Variants in PDHX observed in about 807,000 individuals in gnomAD.
The protein encoded by PDHX is pyruvate dehydrogenase protein X component, mitochondrial.
PDHX carries 33 observed loss-of-function variants against 55.3 expected under a neutral mutation model. That is an observed-to-expected ratio of 0.60 (90% confidence interval 0.45 to 0.80). The LOEUF is 0.80. Ranked by LOEUF, PDHX falls within the 30% of genes least tolerant of loss-of-function variation. The pLI is 0.00. For synonymous variants in PDHX, 226 were observed against 219.4 expected (o/e 1.03, Z -0.27); for missense variants, 622 against 619.9 (o/e 1.00, Z -0.04).
At position 34,977,676 on chromosome 11, in the gene PDHX, A is replaced by G. The variant is rs1855408950; in HGVS notation, c.965-448A>G. ...AAGTACCTACATGTATCACTGTTCT[A>G]GTATAATCAGTATGTTATAAAGCAT... On this transcript the variant is annotated intron_variant, in intron 7 of 10. Coordinates refer to ENST00000227868, the MANE Select transcript of PDHX (RefSeq NM_003477.3). The G allele has an allele frequency of 9.1e-6, 4 of 438,124 alleles. No individual in the cohort carries two copies. The East Asian group carries it at 2.1e-4, about 23-fold the overall frequency. The allele number at this position is 438,124 out of a possible 1,614,324, so 27.1% of individuals were successfully genotyped here.
At chr11:34,958,077 A>G (rs1854944189) in intron 4 of PDHX, among the ~76,000 whole-genome samples, 1 of 152,200 alleles carries the variant, frequency 6.6e-6, no homozygotes, top group African/African-American at 2.4e-5. Context: ...CTGTAACAAA[A>G]CAGATAACTT....
intron 4 of PDHX, among the ~76,000 whole-genome samples, chr11:34,958,544 G>A (rs868764324): frequency 2.6e-5 from 4 of 152,062 alleles, no homozygotes; most frequent in Non-Finnish European, 4.4e-5. Context: ...TTCATGATCC[G>A]CCTGCCTCGG....
chr11:34,960,455 A>G lies in PDHX; in HGVS notation c.578A>G (p.Glu193Gly). The change falls in exon 5 of 11, where the codon GAA becomes GGA. Residue 193 changes from glutamate to glycine, a missense_variant. Transcript: ENST00000227868. ...RLSPAARNIL[E>G]KHSLDASQGT... ...AGTCCAGCTGCCCGCAATATTCTGG[A>G]AAAACACTCACTGGATGCTAGCCAG... 2 of 1,613,226 alleles carry G rather than the reference A, an allele frequency of 1.2e-6. No homozygotes were observed. Among genetic ancestry groups the G allele is most frequent in the South Asian group, 1.1e-5 (1 of 91,062 alleles).
chr11:34,966,931 A>G (rs1031516221), intron 6 of PDHX, 117 bp downstream of exon 6: 2 of 856,378 alleles, frequency 2.3e-6, no homozygotes, highest in Admixed American at 4.2e-5. Context: ...GGCTCACTGC[A>G]GCCTCTGCCT....
chr11:34,985,629 CAG>C (rs1187088762), intron 9 of PDHX, among the ~76,000 whole-genome samples: 1 of 152,136 alleles, frequency 6.6e-6, no homozygotes, highest in Non-Finnish European at 1.5e-5. Context: ...TATTTTTTGA[CAG>C]AAGTATCACA....
intron 2 of PDHX, among the ~76,000 whole-genome samples, chr11:34,933,291 C>T (rs1329569737): frequency 6.6e-6 from 1 of 152,020 alleles, no homozygotes; most frequent in Non-Finnish European, 1.5e-5. Flanking sequence ...CTTACATAAC[C>T]ATACAGAGAG....
chr11:34,970,002 C>A, intron 6 of PDHX, 137 bp from the exon 7 acceptor site: 2 of 762,374 alleles, frequency 2.6e-6, no homozygotes, highest in Non-Finnish European at 4.4e-6. Context: ...TTTAATAGTG[C>A]TTTTCTTGTG....
chr11:34,989,015 ATG>A (rs1855706480), intron 9 of PDHX, among the ~76,000 whole-genome samples: 1 of 152,236 alleles, frequency 6.6e-6, no homozygotes, highest in East Asian at 1.9e-4. Flanking sequence ...ATTCTGAGAA[ATG>A]CATGGTTAGG....
intron 1 of PDHX, among the ~76,000 whole-genome samples, chr11:34,930,117 G>A (rs573386873): frequency 1.2e-3 from 186 of 152,342 alleles, no homozygotes; most frequent in South Asian, 2.7e-3. Context: ...GCTTTTGAAA[G>A]GCAGCGCCGT....
intron 3 of PDHX, among the ~76,000 whole-genome samples, chr11:34,956,549 T>C (rs2985401): frequency 0.72 from 109,469 of 151,996 alleles, 39,518 homozygotes; most frequent in Middle Eastern, 0.77. Flanking sequence ...ATATTGTTAT[T>C]TGAAGGTTTT....
intron 1 of PDHX, among the ~76,000 whole-genome samples, chr11:34,929,055 T>C (rs1389452555): frequency 6.6e-6 from 1 of 152,222 alleles, no homozygotes; most frequent in East Asian, 1.9e-4. Context: ...TTGAGAGTCA[T>C]GGTGGACTGG....
At chr11:34,968,629 G>T (rs1855187810) in intron 6 of PDHX, among the ~76,000 whole-genome samples, 1 of 152,158 alleles carries the variant, frequency 6.6e-6, no homozygotes. Flanking sequence ...AGATACTCAT[G>T]TTATTTTTAA....
intron 8 of PDHX, among the ~76,000 whole-genome samples, chr11:34,984,142 T>C (rs1221696347): frequency 6.6e-6 from 1 of 152,214 alleles, no homozygotes; most frequent in African/African-American, 2.4e-5. Flanking sequence ...CCTGCTGATA[T>C]ATATCCCAGA....
In PDHX at chr11:34,924,970, G is replaced by C. The variant is rs138176931; in HGVS notation, c.161-6434G>C. Among the ~76,000 whole-genome samples the C allele has an allele frequency of 3.5e-4, 54 of 152,178 alleles. No homozygotes were observed. In the East Asian group the frequency reaches 9.6e-3, roughly 27 times the overall value. ...CAGTGAAATTATTTTGTAATTCTTG[G>C]TCAAATATTCAGTGTTTACATTAAA... On this transcript the variant is annotated intron_variant, in intron 1 of 10. Coordinates refer to ENST00000227868, the MANE Select transcript of PDHX (RefSeq NM_003477.3).
chr11:34,957,542 T>A lies in PDHX; in HGVS notation c.501T>A (p.Ile167=), dbSNP rs139085745. The change falls in exon 4 of 11, where the codon ATT becomes ATA. Residue 167 remains isoleucine, a synonymous_variant. Coordinates refer to ENST00000227868, the MANE Select transcript of PDHX (RefSeq NM_003477.3). ...SEPRPSPEPQ[I]SIPVKKEHIP... ...CTCGCCCCTCACCAGAACCACAGATTTCCATCCCTGTCAAGAAGGAACACA... is the reference window on the plus strand; with the variant it reads ...CTCGCCCCTCACCAGAACCACAGATATCCATCCCTGTCAAGAAGGAACACA... 19 of 1,614,068 alleles carry A rather than the reference T, an allele frequency of 1.2e-5. No homozygotes were observed. In the African/African-American group the frequency reaches 2.3e-4, roughly 19 times the overall value.
chr11:34,950,469 C>T (rs1854731270), intron 3 of PDHX, among the ~76,000 whole-genome samples: 1 of 150,218 alleles, frequency 6.7e-6, no homozygotes, highest in South Asian at 2.1e-4. Context: ...TGGTGTGCTG[C>T]ACCCATTAAC....
At chr11:34,991,649 C>T (rs540391743) in intron 9 of PDHX, among the ~76,000 whole-genome samples, 1 of 152,122 alleles carries the variant, frequency 6.6e-6, no homozygotes, top group East Asian at 1.9e-4. Flanking sequence ...TGGCTCATAC[C>T]TGTAATCCCA....
chr11:34,928,323 G>C (rs1364630310), intron 1 of PDHX, among the ~76,000 whole-genome samples: 1 of 150,784 alleles, frequency 6.6e-6, no homozygotes, highest in Non-Finnish European at 1.5e-5. Flanking sequence ...GAAATATTCT[G>C]TTCATAATGC....
At chr11:34,955,730 G>A (rs1318934000) in intron 3 of PDHX, among the ~76,000 whole-genome samples, 1 of 152,168 alleles carries the variant, frequency 6.6e-6, no homozygotes. Context: ...AAATGAAACA[G>A]AAGGTGAGGT....
Sources: gnomAD v4.1 joint callset for allele counts (sites outside exome capture counted in the v4.1 genomes callset) on GRCh38, gnomAD v4.1.1 for gene constraint, MANE v1.5 for transcripts, NCBI Gene and HGNC (gene_info 2026-07-23, HGNC 2026-07-21) for gene names.